The following KIRREL3 variants were observed in gnomAD, a reference collection of about 807,000 sequenced individuals.
KIRREL3 encodes kirre like nephrin family adhesion molecule 3.
KIRREL3 carries 36 observed loss-of-function variants against 89.7 expected under a neutral mutation model. The ratio of observed to expected loss-of-function variants is 0.40; its 90% confidence interval spans 0.31 to 0.53. The LOEUF (loss-of-function observed/expected upper bound fraction) is 0.53. Ranked by LOEUF, KIRREL3 falls within the 20% of genes least tolerant of loss-of-function variation. KIRREL3 has a pLI of 0.49. For synonymous variants in KIRREL3, 445 were observed against 441.4 expected, an observed-to-expected ratio of 1.01 and a Z score of -0.10; for missense variants, 864 against 1,056.6, an observed-to-expected ratio of 0.82 and a Z score of 2.53.
At position 126,451,271 on chromosome 11, in the gene KIRREL3, CGTGTGCAT is replaced by C. The variant is rs1281335234; in HGVS notation, c.849-2122_849-2115del. Among the ~76,000 whole-genome samples, 9 of 92,416 alleles carry C rather than the reference CGTGTGCAT, an allele frequency of 9.7e-5. No homozygotes were observed. The East Asian group carries it at 1.0e-3, about 11-fold the overall frequency. 60.6% of individuals were successfully genotyped at this position (92,416 alleles called of 152,430 possible). A position where few individuals can be genotyped will look rare whatever the true frequency, so the allele number is the denominator to read the frequency against. The stretch of plus-strand genomic sequence containing the variant: ...AGCATGTGTGCATTGCTTGTGTGTC[CGTGTGCAT>C]GTGTGCGTGTGTGCATGTGTGCATG... On this transcript the variant is annotated intron_variant, in intron 7 of 16. Transcript: ENST00000525144.
chr11:126,476,450 G>C lies in KIRREL3; in HGVS notation c.434-2984C>G, dbSNP rs12800468. On this transcript the variant is annotated intron_variant, in intron 4 of 16. Coordinates refer to ENST00000525144, the MANE Select transcript of KIRREL3 (RefSeq NM_032531.4). The surrounding 1 kb of genome is among the most constrained non-coding windows in gnomAD (Gnocchi z 6.4). Reference sequence around the variant, plus strand: ...TTGTGGCTGGAGTGTTGTGTTACTGGAATATCGGATTAGAGGCAGCGAGGA... The same window carrying C: ...TTGTGGCTGGAGTGTTGTGTTACTGCAATATCGGATTAGAGGCAGCGAGGA... Among the ~76,000 whole-genome samples the C allele has an allele frequency of 1.3e-5, 2 of 152,108 alleles. No individual in the cohort carries two copies. The highest frequency in any genetic ancestry group is 2.9e-5 in the Non-Finnish European group (2 of 67,994).
intron 1 of KIRREL3, among the ~76,000 whole-genome samples, chr11:126,680,219 G>C (rs554005589): frequency 6.6e-6 from 1 of 152,182 alleles, no homozygotes; most frequent in South Asian, 2.1e-4. Context: ...TGACCAGTGA[G>C]GGCAACAGAA....
chr11:126,648,688 T>C (rs372779678), intron 1 of KIRREL3, among the ~76,000 whole-genome samples: 1 of 152,242 alleles, frequency 6.6e-6, no homozygotes, highest in African/African-American at 2.4e-5. Context: ...GTTGAACATA[T>C]ATATGTATGT....
chr11:126,985,161 T>C lies in KIRREL3; in HGVS notation c.55+15294A>G, dbSNP rs1441494611. Among the ~76,000 whole-genome samples the C allele has an allele frequency of 6.6e-6, 1 of 152,136 alleles. No homozygotes were observed. The highest frequency in any genetic ancestry group is 1.9e-4 in the East Asian group (1 of 5,196). On this transcript the variant is annotated intron_variant, in intron 1 of 16. Coordinates refer to ENST00000525144, the MANE Select transcript of KIRREL3 (RefSeq NM_032531.4). This position sits in a 1 kb window ranked among gnomAD's most constrained non-coding sequence, Gnocchi z 5.3. The stretch of plus-strand genomic sequence containing the variant: ...CTCGAGTTGTACAAGGCAATAATAA[T>C]GATAAATAGAGCACGTTCTCTGATG...
intron 1 of KIRREL3, among the ~76,000 whole-genome samples, chr11:126,848,127 C>T (rs1944210431): frequency 6.6e-6 from 1 of 152,210 alleles, no homozygotes; most frequent in Admixed American, 6.5e-5. Context: ...GGGACCTCAA[C>T]AGGAGAGTAA....
intron 1 of KIRREL3, among the ~76,000 whole-genome samples, chr11:126,818,085 G>A (rs1178170221): frequency 6.6e-6 from 1 of 152,208 alleles, no homozygotes; most frequent in East Asian, 1.9e-4. Context: ...CAACTGGCAT[G>A]GTGGCTGTAT....
In KIRREL3 at chr11:126,684,931, TC is replaced by T. The variant is rs762541039; in HGVS notation, c.56-122020del. Among the ~76,000 whole-genome samples, 1 of 152,066 alleles carries T rather than the reference TC, an allele frequency of 6.6e-6. No homozygotes were observed. Among genetic ancestry groups the T allele is most frequent in the Non-Finnish European group, 1.5e-5 (1 of 68,012 alleles). The stretch of plus-strand genomic sequence containing the variant: ...CAGGACAGGCTTCTTTGTCCTTGTC[TC>T]CCCCCTCCCTTTTGTCCTCTTCTCT... On this transcript the variant is annotated intron_variant, in intron 1 of 16. Transcript: ENST00000525144. This position sits in a 1 kb window ranked among gnomAD's most constrained non-coding sequence, Gnocchi z 4.2.
At position 126,969,147 on chromosome 11, in the gene KIRREL3, A is replaced by G. The variant is rs1949360974; in HGVS notation, c.55+31308T>C. On this transcript the variant is annotated intron_variant, in intron 1 of 16. Coordinates refer to ENST00000525144, the MANE Select transcript of KIRREL3 (RefSeq NM_032531.4). The surrounding 1 kb of genome is among the most constrained non-coding windows in gnomAD (Gnocchi z 4.9). ...AGACAGAGGAGGGCGCTCAGGGGCC[A>G]ATCAAACGACTTCTAAACCGCGAAA... 6.6e-6 allele frequency among the ~76,000 whole-genome samples: 1 copy of G among 152,130 alleles called. No homozygotes were observed.
intron 1 of KIRREL3, among the ~76,000 whole-genome samples, chr11:126,725,611 A>ATGAT (rs755105095): frequency 3.3e-5 from 5 of 152,020 alleles, no homozygotes; most frequent in Non-Finnish European, 7.4e-5. Context: ...CCTTCCTTGG[A>ATGAT]TGATGGTGGT....
At chr11:126,625,688 T>C (rs540233448) in intron 1 of KIRREL3, among the ~76,000 whole-genome samples, 4 of 152,288 alleles carry the variant, frequency 2.6e-5, no homozygotes, top group African/African-American at 9.6e-5. Flanking sequence ...TTATGCTCTT[T>C]GCCCCCTGAA....
chr11:126,669,422 C>A lies in KIRREL3; in HGVS notation c.56-106510G>T, dbSNP rs142535689. ...CCTATTTAATCCCATGTATTTTTAA[C>A]CCACTAACATAATCCCCAATGTTTC... On this transcript the variant is annotated intron_variant, in intron 1 of 16. Transcript: ENST00000525144. The surrounding 1 kb of genome is among the most constrained non-coding windows in gnomAD (Gnocchi z 5.0). 1.1e-4 allele frequency among the ~76,000 whole-genome samples: 17 copies of A among 152,308 alleles called. No individual in the cohort carries two copies. Among genetic ancestry groups the A allele is most frequent in the Middle Eastern group, 3.4e-3 (1 of 294 alleles).
chr11:126,712,843 C>CA lies in KIRREL3; in HGVS notation c.56-149932dup, dbSNP rs568196423. On this transcript the variant is annotated intron_variant, in intron 1 of 16. Transcript: ENST00000525144. ...GGTCCAGAGGCCATTCAGATCCCCG[C>CA]ACCAGTCACTGAAAAGAAACCAGTT... Among the ~76,000 whole-genome samples, 7 of 152,348 alleles carry CA rather than the reference C, an allele frequency of 4.6e-5. No individual in the cohort carries two copies. In the South Asian group the frequency reaches 1.5e-3, roughly 32 times the overall value.
intron 1 of KIRREL3, among the ~76,000 whole-genome samples, chr11:126,803,921 G>T (rs1951120882): frequency 1.3e-5 from 2 of 152,192 alleles, no homozygotes; most frequent in African/African-American, 4.8e-5. Flanking sequence ...TTGGAAGCGG[G>T]CCCTTTGTGG....
At chr11:126,718,841 AG>A (rs1948065518) in intron 1 of KIRREL3, among the ~76,000 whole-genome samples, 1 of 152,116 alleles carries the variant, frequency 6.6e-6, no homozygotes, top group Non-Finnish European at 1.5e-5. Context: ...GATACGATAC[AG>A]GGGGCCTCAC....
chr11:126,926,622 G>C (rs1947726529), intron 1 of KIRREL3, among the ~76,000 whole-genome samples: 1 of 152,170 alleles, frequency 6.6e-6, no homozygotes, highest in Admixed American at 6.5e-5. Flanking sequence ...CTTGCTGCCA[G>C]AGCTCTGCCT....
In KIRREL3 at chr11:126,912,823, C is replaced by A. The variant is rs908891845; in HGVS notation, c.55+87632G>T. Among the ~76,000 whole-genome samples, 13 of 152,182 alleles carry A rather than the reference C, an allele frequency of 8.5e-5. No homozygotes were observed. Among genetic ancestry groups the A allele is most frequent in the Non-Finnish European group, 1.3e-4 (9 of 68,040 alleles). ...AGAGGAACTTGGCGTGATAATGGAA[C>A]CTAGTGATGAAATTTCTTGGCCACT... On this transcript the variant is annotated intron_variant, in intron 1 of 16. Transcript: ENST00000525144. The surrounding 1 kb of genome is among the most constrained non-coding windows in gnomAD (Gnocchi z 4.7).
chr11:126,479,641 A>G (rs73630466), intron 4 of KIRREL3, among the ~76,000 whole-genome samples: 13,723 of 152,246 alleles, frequency 0.09, 2,040 homozygotes, highest in African/African-American at 0.31. Flanking sequence ...GACAAGTGCT[A>G]TGAAGGGAAG....
chr11:126,793,084 T>C (rs191935131), intron 1 of KIRREL3, among the ~76,000 whole-genome samples: 1 of 152,292 alleles, frequency 6.6e-6, no homozygotes, highest in East Asian at 1.9e-4. Flanking sequence ...TCACATGTGT[T>C]AACTTTTACC....
chr11:126,440,776 C>A, intron 10 of KIRREL3: 1 of 596,120 alleles, frequency 1.7e-6, no homozygotes, highest in Non-Finnish European at 3.0e-6. Flanking sequence ...GTCAGAACCC[C>A]CAGAAGATAC....
Sources: allele counts gnomAD v4.1 joint callset (sites outside exome capture counted in the v4.1 genomes callset), GRCh38; gene constraint gnomAD v4.1.1; non-coding constraint Gnocchi (gnomAD v3.1); transcripts MANE v1.5; gene names NCBI Gene and HGNC (gene_info 2026-07-23, HGNC 2026-07-21).